The following ABTB2 variants were observed in gnomAD, a reference collection of about 807,000 sequenced individuals.
ABTB2 encodes the protein ankyrin repeat and BTB/POZ domain-containing protein 2.
ABTB2 carries 56 observed loss-of-function variants against 104.1 expected under a neutral mutation model. The observed-to-expected ratio is 0.54, with a 90% CI of 0.43 to 0.67. The LOEUF (loss-of-function observed/expected upper bound fraction) is 0.67. Among genes scored for constraint, ABTB2 ranks in the 30% least tolerant of loss-of-function variants. The probability of loss-of-function intolerance (pLI) is 0.00; values close to 1 mark genes in which losing one functional copy is unlikely to be tolerated. For synonymous variants in ABTB2, 606 were observed against 608.2 expected, an observed-to-expected ratio of 1.00 and a Z score of 0.05; for missense variants, 1,279 against 1,407.7, an observed-to-expected ratio of 0.91 and a Z score of 1.46.
In ABTB2 at chr11:34,193,187, C is replaced by T. The variant is rs548359475; in HGVS notation, c.1244+4138G>A. Among the ~76,000 whole-genome samples, 10 of 152,346 alleles carry T rather than the reference C, an allele frequency of 6.6e-5. No individual in the cohort carries two copies. The South Asian group carries it at 2.1e-3, about 32-fold the overall frequency. ...CAACCTGGATCCCTGACAAGAGGCT[C>T]TTTCACTTTCTAAGCTTGATCTCCG... On this transcript the variant is annotated intron_variant, in intron 3 of 16. Transcript: ENST00000435224.
intron 1 of ABTB2, among the ~76,000 whole-genome samples, chr11:34,213,678 A>G (rs1853513807): frequency 6.6e-6 from 1 of 152,168 alleles, no homozygotes; most frequent in African/African-American, 2.4e-5. Flanking sequence ...TTTTGAAGCA[A>G]AAACTTAATA....
At chr11:34,326,523 G>T (rs7116929) in intron 1 of ABTB2, among the ~76,000 whole-genome samples, 7,457 of 151,968 alleles carry the variant, frequency 0.049, 532 homozygotes, top group East Asian at 0.32. Flanking sequence ...CCAGCTACCT[G>T]GGAGGCTGAT....
intron 1 of ABTB2, among the ~76,000 whole-genome samples, chr11:34,237,632 C>T (rs1369772067): frequency 6.6e-6 from 1 of 152,192 alleles, no homozygotes; most frequent in Non-Finnish European, 1.5e-5. Flanking sequence ...GCCAGGCTCA[C>T]TTCTGTAATC....
intron 1 of ABTB2, among the ~76,000 whole-genome samples, chr11:34,240,304 C>A (rs1047084059): frequency 1.3e-5 from 2 of 152,180 alleles, no homozygotes; most frequent in African/African-American, 4.8e-5. Flanking sequence ...TGAAGCCAAG[C>A]GGCCAGCAGG....
At chr11:34,320,025 C>T (rs1274888455) in intron 1 of ABTB2, among the ~76,000 whole-genome samples, 3 of 152,124 alleles carry the variant, frequency 2.0e-5, no homozygotes, top group African/African-American at 7.2e-5. Flanking sequence ...CCTGGGATTA[C>T]AGGCGTGACC....
At chr11:34,172,371 C>CAA (rs1230787869) in intron 4 of ABTB2, among the ~76,000 whole-genome samples, 624 of 61,644 alleles carry the variant, frequency 0.01, 60 homozygotes, top group Non-Finnish European at 0.013. Flanking sequence ...AACTCTGTCT[C>CAA]AAAAAAAAAA....
intron 1 of ABTB2, among the ~76,000 whole-genome samples, chr11:34,267,014 AGGGGAGGGAGGGGCGGGGC>A (rs1854259976): frequency 1.3e-4 from 1 of 7,630 alleles, no homozygotes; most frequent in African/African-American, 5.8e-4. Context: ...GTGGGGTGGT[AGGGGAGGGAGGGGCGGGGC>A]GGGGAGGAAG....
At chr11:34,260,380 G>A (rs187776002) in intron 1 of ABTB2, among the ~76,000 whole-genome samples, 1 of 152,288 alleles carries the variant, frequency 6.6e-6, no homozygotes, top group African/African-American at 2.4e-5. Context: ...TCTGCAGGGC[G>A]GAGGGCTGTG....
rs1479239169 is a variant in ABTB2, at chr11:34,218,843, T to A, written c.884-14153A>T. ...CCTGGGCAACAAGAGCGAAACTCCA[T>A]CTCAAAAAAAAAAAAAAAAAAAAAA... On this transcript the variant is annotated intron_variant, in intron 1 of 16. Transcript: ENST00000435224. 1.1e-4 allele frequency among the ~76,000 whole-genome samples: 6 copies of A among 55,614 alleles called. No homozygotes were observed. In the East Asian group the frequency reaches 2.1e-3, roughly 19 times the overall value. 36.5% of individuals were successfully genotyped at this position (55,614 alleles called of 152,430 possible).
At chr11:34,195,075 C>T (rs1455190944) in intron 3 of ABTB2, among the ~76,000 whole-genome samples, 2 of 18,076 alleles carry the variant, frequency 1.1e-4, no homozygotes, top group Non-Finnish European at 4.0e-4. Context: ...AGATGCCCGG[C>T]GGGGGGGGGG....
chr11:34,249,700 C>T (rs61435083), intron 1 of ABTB2, among the ~76,000 whole-genome samples: 20,746 of 152,114 alleles, frequency 0.14, 1,861 homozygotes, highest in African/African-American at 0.25. Flanking sequence ...GCTGGAGTGC[C>T]GTGGTGTAAT....
intron 1 of ABTB2, among the ~76,000 whole-genome samples, chr11:34,270,673 C>A (rs1854303830): frequency 6.6e-6 from 1 of 152,268 alleles, no homozygotes; most frequent in East Asian, 1.9e-4. Context: ...CAGAGGTTGA[C>A]AACCAGATGC....
intron 1 of ABTB2, among the ~76,000 whole-genome samples, chr11:34,339,495 G>C (rs1414932954): frequency 6.6e-6 from 1 of 152,222 alleles, no homozygotes; most frequent in Non-Finnish European, 1.5e-5. Context: ...GTCAGTGCCA[G>C]AGAAGCCTCA....
intron 1 of ABTB2, among the ~76,000 whole-genome samples, chr11:34,271,158 A>G (rs1854309356): frequency 6.6e-6 from 1 of 152,206 alleles, no homozygotes. Context: ...GAATTATTCA[A>G]GACAGGTCCA....
chr11:34,277,167 G>A (rs932780943), intron 1 of ABTB2, among the ~76,000 whole-genome samples: 2 of 152,192 alleles, frequency 1.3e-5, no homozygotes, highest in African/African-American at 4.8e-5. Flanking sequence ...CTCTCAAAGT[G>A]CTGGGATTAC....
At chr11:34,178,103 A>G (rs2473916) in intron 3 of ABTB2, among the ~76,000 whole-genome samples, 11,832 of 152,240 alleles carry the variant, frequency 0.078, 595 homozygotes, top group South Asian at 0.13. Flanking sequence ...TCCTGAATGA[A>G]AACTGATTAA....
Position 34,197,546 on chromosome 11 carries a change from GGGGCGGGGA to G in ABTB2, c.1031-17_1031-9del. 1 of 1,551,144 alleles carries G rather than the reference GGGGCGGGGA, an allele frequency of 6.4e-7. No individual in the cohort carries two copies. The highest frequency in any genetic ancestry group is 8.7e-7 in the Non-Finnish European group (1 of 1,150,420). ...CACGGGAGACCAAGTCACCTGGTGGGGGGCGGGGAGGGCAGAGGGGAGGAAGAGAAAAAA... is the reference window on the plus strand; with the variant it reads ...CACGGGAGACCAAGTCACCTGGTGGGGGGCAGAGGGGAGGAAGAGAAAAAA... On this transcript the variant is annotated splice_polypyrimidine_tract_variant and intron_variant, in intron 2 of 16. Coordinates refer to ENST00000435224, the MANE Select transcript of ABTB2 (RefSeq NM_145804.3).
intron 1 of ABTB2, among the ~76,000 whole-genome samples, chr11:34,207,508 T>A (rs1168060161): frequency 6.6e-6 from 1 of 152,234 alleles, no homozygotes; most frequent in African/African-American, 2.4e-5. Context: ...TAAATGACTT[T>A]TTACATCTAG....
rs1285773688 is a variant in ABTB2 at position 34,339,446 on chromosome 11, CAAG to C, written c.883+17252_883+17254del. Reference sequence around the variant, plus strand: ...GATAACAAACAAAGCAACTATTTGGCAAGAAGAGTCTGAGTTACCCATTAACTA... The same window carrying C: ...GATAACAAACAAAGCAACTATTTGGCAAGAGTCTGAGTTACCCATTAACTA... On this transcript the variant is annotated intron_variant, in intron 1 of 16. Transcript: ENST00000435224. Among the ~76,000 whole-genome samples the C allele has an allele frequency of 2.0e-5, 3 of 152,284 alleles. No individual in the cohort carries two copies. In the East Asian group the frequency reaches 5.8e-4, roughly 29 times the overall value.
Sources: gnomAD v4.1 joint callset for allele counts (sites outside exome capture counted in the v4.1 genomes callset) on GRCh38, gnomAD v4.1.1 for gene constraint, MANE v1.5 for transcripts, NCBI Gene and HGNC (gene_info 2026-07-23, HGNC 2026-07-21) for gene names.